The following CDK5RAP1 variants were observed in gnomAD, a reference collection of about 807,000 sequenced individuals.
The protein encoded by CDK5RAP1 is CDK5RAP1 mitochondrial tRNA methylthiotransferase, also known as mitochondrial tRNA methylthiotransferase CDK5RAP1.
A neutral mutation model predicts 64.5 loss-of-function variants in CDK5RAP1; 62 were observed. The ratio of observed to expected loss-of-function variants is 0.96; its 90% CI spans 0.78 to 1.19. CDK5RAP1 has a LOEUF of 1.19. Ranked by LOEUF, CDK5RAP1 falls within the 50% of genes most tolerant of loss-of-function variation. The pLI, the probability that CDK5RAP1 is intolerant of heterozygous loss-of-function variation, is 0.00. For missense variants in CDK5RAP1, 657 were observed against 735.0 expected, an observed-to-expected ratio of 0.89 and a Z score of 1.23; for synonymous variants, 250 against 261.9, an observed-to-expected ratio of 0.95 and a Z score of 0.44.
chr20:33,385,211 C>T (rs1004400102), intron 7 of CDK5RAP1, among the ~76,000 whole-genome samples: 1 of 152,172 alleles, frequency 6.6e-6, no homozygotes, highest in African/African-American at 2.4e-5. Flanking sequence ...ATAAAATGAA[C>T]AATAAATCTG....
chr20:33,363,169 T>C (rs1983245484), intron 12 of CDK5RAP1, among the ~76,000 whole-genome samples: 1 of 152,152 alleles, frequency 6.6e-6, no homozygotes, highest in African/African-American at 2.4e-5. Flanking sequence ...ATACATCAAA[T>C]TATGGACATT....
chr20:33,385,490 G>A, intron 7 of CDK5RAP1, 160 bp downstream of exon 7: 1 of 711,004 alleles, frequency 1.4e-6, no homozygotes, highest in Non-Finnish European at 2.3e-6. Context: ...TCTGTAATTT[G>A]TGGGCAATAA....
rs148856565 is a variant in CDK5RAP1 at position 33,373,149 on chromosome 20, C to CGTGTGTGTGTGTGTGT, written c.1206-468_1206-453dup. ...AGAGACTGGGTTTCGCCATGTTGCC[C>CGTGTGTGTGTGTGTGT]GTGTGTGTGTGTGTGTGTGTGTGTG... is the stretch of plus-strand genomic sequence containing the variant. On this transcript the variant is annotated intron_variant, in intron 9 of 13. Coordinates refer to ENST00000346416, the MANE Select transcript of CDK5RAP1 (RefSeq NM_016408.4). 296 of 140,020 alleles carry CGTGTGTGTGTGTGTGT rather than the reference C, an allele frequency of 2.1e-3. 6 individuals are homozygous for CGTGTGTGTGTGTGTGT. Among genetic ancestry groups the CGTGTGTGTGTGTGTGT allele is most frequent in the African/African-American group, 7.1e-3 (256 of 36,040 alleles). The allele number at this position is 140,020 out of a possible 1,614,324, so 8.7% of individuals were successfully genotyped here.
rs113411265 is a variant in CDK5RAP1 at position 33,392,169 on chromosome 20, G to A, written c.517C>T (p.Arg173Trp). Residue 173 changes from arginine (R) to tryptophan (W), a missense_variant, in exon 5 of 14, where the codon CGG (arginine) becomes TGG (tryptophan). Physicochemically the swap from Arg to Trp is moderately radical, Grantham distance 101. Coordinates refer to ENST00000346416, the MANE Select transcript of CDK5RAP1 (RefSeq NM_016408.4). ...AGAATTCCAATCCTCAGAGGAACCC[G>A]GGAGCGGGGCCGCCTTGTCTTCAAG... ...KALKTRRPRS[R>W]VPLRIGILGC... 23 of 1,612,832 alleles carry A rather than the reference G, an allele frequency of 1.4e-5. No homozygotes were observed. Among genetic ancestry groups the A allele is most frequent in the Middle Eastern group, 1.7e-4 (1 of 6,058 alleles).
At chr20:33,400,283 C>A (rs893861859) in intron 1 of CDK5RAP1, among the ~76,000 whole-genome samples, 5 of 152,220 alleles carry the variant, frequency 3.3e-5, no homozygotes, top group African/African-American at 1.2e-4. Context: ...GTGTAAAGAG[C>A]AGATGTGGCC....
chr20:33,370,663 C>A, intron 10 of CDK5RAP1, 34 bp from the exon 11 acceptor site: 1 of 1,613,040 alleles, frequency 6.2e-7, no homozygotes, highest in South Asian at 1.1e-5. Context: ...CAGGTGACTG[C>A]CTGCTGTTTA....
chr20:33,367,075 C>A, intron 11 of CDK5RAP1, 67 bp from the exon 12 acceptor site: 3 of 1,476,380 alleles, frequency 2.0e-6, no homozygotes, highest in Non-Finnish European at 2.8e-6. Flanking sequence ...ATTCTTAATG[C>A]ACAGAGGGCG....
chr20:33,391,708 T>G (rs1049178623), intron 5 of CDK5RAP1, among the ~76,000 whole-genome samples: 1 of 151,784 alleles, frequency 6.6e-6, no homozygotes, highest in African/African-American at 2.4e-5. Context: ...TAATCCCAGC[T>G]ACTCGGGAGG....
chr20:33,370,495 T>G lies in CDK5RAP1; in HGVS notation c.1392+4A>C. Reference sequence around the variant, plus strand: ...TGTCAGTCCTCCCCAACCCCAGGGCTCACCTGTCTCATGCTGTAGGCAAAG... The same window carrying G: ...TGTCAGTCCTCCCCAACCCCAGGGCGCACCTGTCTCATGCTGTAGGCAAAG... On this transcript the variant is annotated splice_donor_region_variant and intron_variant, in intron 11 of 13. Transcript: ENST00000346416. 6.2e-7 allele frequency: 1 copy of G among 1,614,048 alleles called. No individual in the cohort carries two copies.
At chr20:33,376,669 AT>A (rs1389153066) in intron 8 of CDK5RAP1, among the ~76,000 whole-genome samples, 1 of 152,172 alleles carries the variant, frequency 6.6e-6, no homozygotes, top group Non-Finnish European at 1.5e-5. Context: ...TTCAAGCCCT[AT>A]TATTTTAATT....
At chr20:33,364,035 A>G (rs978112146) in intron 12 of CDK5RAP1, among the ~76,000 whole-genome samples, 1 of 152,222 alleles carries the variant, frequency 6.6e-6, no homozygotes, top group South Asian at 2.1e-4. Flanking sequence ...ATTTGGTAAT[A>G]TTAAGAAAAT....
Position 33,385,760 on chromosome 20 carries a change from G to C in CDK5RAP1, c.766C>G (p.Arg256Gly). The change falls in exon 7 of 14, where the codon CGA (arginine) becomes GGA (glycine). Residue 256 changes from arginine (R) to glycine (G), a missense_variant. By Grantham distance (125) the Arg-to-Gly change is moderately radical. Coordinates refer to ENST00000346416, the MANE Select transcript of CDK5RAP1 (RefSeq NM_016408.4). ...SATSAFVSIM[R>G]GCDNMCSYCI... ...TAGCTACACATGTTGTCACAGCCTC[G>C]CATGATTGACCTGGAGAAGAAAGTA... 2 of 1,612,066 alleles carry C rather than the reference G, an allele frequency of 1.2e-6. No homozygotes were observed. Among genetic ancestry groups the C allele is most frequent in the East Asian group, 2.2e-5 (1 of 44,876 alleles).
chr20:33,360,214 T>G, intron 13 of CDK5RAP1, 137 bp downstream of exon 13: 1 of 713,174 alleles, frequency 1.4e-6, no homozygotes, highest in South Asian at 1.9e-5. Flanking sequence ...CAATCCAAAG[T>G]GCCCTTCCAT....
intron 7 of CDK5RAP1, 38 bp downstream of exon 7, chr20:33,385,612 A>G: frequency 6.2e-7 from 1 of 1,610,986 alleles, no homozygotes; most frequent in Non-Finnish European, 8.5e-7. Context: ...TCCTCCCCCA[A>G]ACATGTTCAC....
chr20:33,386,017 C>A (rs1386975622), intron 6 of CDK5RAP1, among the ~76,000 whole-genome samples: 1 of 152,170 alleles, frequency 6.6e-6, no homozygotes, highest in Non-Finnish European at 1.5e-5. Context: ...GGAAGCACAG[C>A]GGTGAGGAGC....
At position 33,387,476 on chromosome 20, in the gene CDK5RAP1, A is replaced by G. The variant is rs201606519; in HGVS notation, c.602T>C (p.Ile201Thr). The change falls in exon 6 of 14, where the codon ATT becomes ACT. Residue 201 changes from isoleucine (I) to threonine (T), a missense_variant. Transcript: ENST00000346416. ...CCGGTAGGCATCAGGACCAGCCAAA[A>G]TATCTACCATTTTCTCTCTGTTGAG... The part of the protein sequence containing the change: ...EILNREKMVD[I>T]LAGPDAYRDL... The G allele has an allele frequency of 6.1e-5, 98 of 1,613,982 alleles. No homozygotes were observed. Among genetic ancestry groups the G allele is most frequent in the Non-Finnish European group, 7.5e-5 (88 of 1,180,020 alleles).
At position 33,370,741 on chromosome 20, in the gene CDK5RAP1, G is replaced by A. The variant is rs554756261; in HGVS notation, c.1262-112C>T. The stretch of plus-strand genomic sequence containing the variant: ...GATAGCAACTGTAAGGTCCTCCCTA[G>A]GACTATTCATAAGTAAAACAAAATA... On this transcript the variant is annotated intron_variant, in intron 10 of 13. Transcript: ENST00000346416. 3.0e-5 allele frequency: 33 copies of A among 1,108,236 alleles called. No individual in the cohort carries two copies. In the South Asian group the frequency reaches 4.6e-4, roughly 16 times the overall value. 68.7% of individuals were successfully genotyped at this position (1,108,236 alleles called of 1,614,324 possible).
At chr20:33,395,185 C>A in intron 2 of CDK5RAP1, 69 bp from the exon 3 acceptor site, 1 of 870,352 alleles carries the variant, frequency 1.1e-6, no homozygotes. Context: ...CAAAAGGTCT[C>A]CTTCCCAAAT....
chr20:33,382,635 C>A lies in CDK5RAP1; in HGVS notation c.877-2944G>T, dbSNP rs539444978. Reference sequence around the variant, plus strand: ...GGTGGAGGTTGCAGTGAGCTGAGATCGTGCCATTGCACTCCAGCATGGGCA... The same window carrying A: ...GGTGGAGGTTGCAGTGAGCTGAGATAGTGCCATTGCACTCCAGCATGGGCA... On this transcript the variant is annotated intron_variant, in intron 7 of 13. Coordinates refer to ENST00000346416, the MANE Select transcript of CDK5RAP1 (RefSeq NM_016408.4). Among the ~76,000 whole-genome samples, 4 of 152,198 alleles carry A rather than the reference C, an allele frequency of 2.6e-5. No individual in the cohort carries two copies. The East Asian group carries it at 7.7e-4, about 29-fold the overall frequency.
Sources: gnomAD v4.1 joint callset for allele counts (sites outside exome capture counted in the v4.1 genomes callset) on GRCh38, gnomAD v4.1.1 for gene constraint, MANE v1.5 for transcripts, NCBI Gene and HGNC (gene_info 2026-07-23, HGNC 2026-07-21) for gene names.